Variants in DOK6 observed in about 807,000 individuals in gnomAD.
The protein encoded by DOK6 is downstream of tyrosine kinase 6.
In DOK6, 22 loss-of-function variants were observed where a neutral mutation model predicts 44.0. The observed-to-expected ratio is 0.50, with a 90% CI of 0.36 to 0.71. The LOEUF (loss-of-function observed/expected upper bound fraction) is 0.71. DOK6 is among the 30% of genes least tolerant of loss of function. The pLI is 0.00. For synonymous variants in DOK6, 166 were observed against 145.5 expected (o/e 1.14, Z -1.01); for missense variants, 340 against 416.4 (o/e 0.82, Z 1.60).
intron 1 of DOK6, among the ~76,000 whole-genome samples, chr18:69,498,136 TAGG>T (rs1440261186): frequency 2.6e-5 from 4 of 152,274 alleles, no homozygotes; most frequent in African/African-American, 7.2e-5. Context: ...ACTATGTGCA[TAGG>T]AGATCAGAAT....
In DOK6 at chr18:69,829,204, T is replaced by G. The variant is rs1183181215; in HGVS notation, c.857-12040T>G. On this transcript the variant is annotated intron_variant, in intron 7 of 7. Transcript: ENST00000382713. Reference sequence around the variant, plus strand: ...AAGGAAATAATTAACAGGAAATTATTTTAATAATTCTAAATATTTCTTGGA... The same window carrying G: ...AAGGAAATAATTAACAGGAAATTATGTTAATAATTCTAAATATTTCTTGGA... 4.0e-5 allele frequency among the ~76,000 whole-genome samples: 6 copies of G among 151,484 alleles called. No individual in the cohort carries two copies. The East Asian group carries it at 1.2e-3, about 29-fold the overall frequency.
At chr18:69,660,618 G>A (rs1985497085) in intron 3 of DOK6, 1 of 151,716 alleles carries the variant, frequency 6.6e-6, no homozygotes, top group South Asian at 2.1e-4. Flanking sequence ...ACCTCAAGGA[G>A]CAATGCATTC....
chr18:69,738,110 G>A (rs553485615), intron 5 of DOK6, among the ~76,000 whole-genome samples: 1 of 152,150 alleles, frequency 6.6e-6, no homozygotes, highest in Non-Finnish European at 1.5e-5. Context: ...CACAGTTGCA[G>A]CCTCTGTAAT....
intron 2 of DOK6, among the ~76,000 whole-genome samples, chr18:69,570,907 CA>C (rs1223994374): frequency 6.6e-6 from 1 of 151,984 alleles, no homozygotes; most frequent in Non-Finnish European, 1.5e-5. Flanking sequence ...ATCTATACTC[CA>C]AAAGTGTTGA....
intron 6 of DOK6, among the ~76,000 whole-genome samples, chr18:69,740,454 T>C (rs1017052382): frequency 6.6e-6 from 1 of 152,248 alleles, no homozygotes; most frequent in African/African-American, 2.4e-5. Flanking sequence ...ATGATGTCAC[T>C]TGCTATTAGT....
chr18:69,661,690 G>A (rs992724473), intron 3 of DOK6: 6 of 152,156 alleles, frequency 3.9e-5, no homozygotes, highest in African/African-American at 9.6e-5. Flanking sequence ...GGTCAATTTT[G>A]TTCTTTCCAC....
At chr18:69,744,471 T>C (rs1978913675) in intron 6 of DOK6, among the ~76,000 whole-genome samples, 2 of 152,092 alleles carry the variant, frequency 1.3e-5, no homozygotes, top group East Asian at 1.9e-4. Context: ...TTTTTACTGA[T>C]AGTCATGGAT....
At position 69,698,477 on chromosome 18, in the gene DOK6, T is replaced by G. The variant is rs1986441473; in HGVS notation, c.483T>G (p.His161Gln). ...IYGECTMQIT[H>Q]ENIYLWDIHN... ...GTGAATGCACAATGCAGATCACTCA[T>G]GAAAATATCTATCTCTGGGATATCC... The change falls in exon 5 of 8, where the codon CAT becomes CAG. Residue 161 changes from histidine to glutamine, a missense_variant. Coordinates refer to ENST00000382713, the MANE Select transcript of DOK6 (RefSeq NM_152721.6). 6.2e-7 allele frequency: 1 copy of G among 1,614,016 alleles called. No individual in the cohort carries two copies. Among genetic ancestry groups the G allele is most frequent in the African/African-American group, 1.3e-5 (1 of 74,922 alleles).
chr18:69,629,586 C>G (rs140242062), intron 3 of DOK6, among the ~76,000 whole-genome samples: 1 of 152,118 alleles, frequency 6.6e-6, no homozygotes, highest in Admixed American at 6.5e-5. Context: ...AGACTTGGCA[C>G]TGAGGAACTA....
intron 2 of DOK6, among the ~76,000 whole-genome samples, chr18:69,572,622 C>T (rs964925713): frequency 2.0e-5 from 3 of 151,782 alleles, no homozygotes; most frequent in African/African-American, 7.3e-5. Flanking sequence ...AATTAGCAAT[C>T]CAACGTTTGG....
At chr18:69,642,232 G>A (rs1338587953) in intron 3 of DOK6, among the ~76,000 whole-genome samples, 1 of 152,098 alleles carries the variant, frequency 6.6e-6, no homozygotes, top group East Asian at 1.9e-4. Context: ...TTACATAAAT[G>A]CAATACCATG....
chr18:69,642,701 C>T (rs868364943), intron 3 of DOK6, among the ~76,000 whole-genome samples: 18 of 152,116 alleles, frequency 1.2e-4, no homozygotes, highest in Non-Finnish European at 4.4e-5. Context: ...TCAAGTTAAA[C>T]ATCTTTCCAA....
At chr18:69,776,476 A>G (rs1980070040) in intron 7 of DOK6, among the ~76,000 whole-genome samples, 1 of 152,100 alleles carries the variant, frequency 6.6e-6, no homozygotes, top group Non-Finnish European at 1.5e-5. Context: ...AAAACACTAC[A>G]TCAAAATTTA....
chr18:69,622,709 C>T (rs1309734713), intron 3 of DOK6, among the ~76,000 whole-genome samples: 11 of 152,042 alleles, frequency 7.2e-5, no homozygotes, highest in Non-Finnish European at 8.8e-5. Flanking sequence ...CAGAATGACA[C>T]AAAGAAAATT....
intron 5 of DOK6, among the ~76,000 whole-genome samples, chr18:69,737,381 G>T (rs545901526): frequency 2.6e-5 from 4 of 152,106 alleles, no homozygotes; most frequent in African/African-American, 4.8e-5. Flanking sequence ...GCGAGAACTC[G>T]TTCAATATCA....
chr18:69,552,793 C>A (rs2144589675), intron 1 of DOK6, among the ~76,000 whole-genome samples: 2 of 152,304 alleles, frequency 1.3e-5, no homozygotes, highest in East Asian at 1.9e-4. Context: ...GTGTACCTGG[C>A]AAATAGCAAA....
chr18:69,728,385 A>G (rs1167486449), intron 5 of DOK6, among the ~76,000 whole-genome samples: 1 of 152,168 alleles, frequency 6.6e-6, no homozygotes, highest in Non-Finnish European at 1.5e-5. Context: ...ATCATGTTCT[A>G]ATCTCCCTCT....
In DOK6 at chr18:69,401,179, C is replaced by A; in HGVS notation, c.-66C>A. The A allele has an allele frequency of 6.8e-7, 1 of 1,474,108 alleles. No individual in the cohort carries two copies. Among genetic ancestry groups the A allele is most frequent in the Non-Finnish European group, 9.0e-7 (1 of 1,107,594 alleles). 91.3% of individuals were successfully genotyped at this position (1,474,108 alleles called of 1,614,324 possible). A position where few individuals can be genotyped will look rare whatever the true frequency, so the allele number is the denominator to read the frequency against. Reference sequence around the variant, plus strand: ...GGATGCGAGACCCGCGCAGACCCGGCGGCGGACGGCGGCTCTCGACTCCGG... The same window carrying A: ...GGATGCGAGACCCGCGCAGACCCGGAGGCGGACGGCGGCTCTCGACTCCGG... On this transcript the variant is annotated 5_prime_UTR_variant, in exon 1 of 8. Coordinates refer to ENST00000382713, the MANE Select transcript of DOK6 (RefSeq NM_152721.6).
chr18:69,499,961 A>G (rs1262227910), intron 1 of DOK6, among the ~76,000 whole-genome samples: 1 of 152,162 alleles, frequency 6.6e-6, no homozygotes, highest in Non-Finnish European at 1.5e-5. Flanking sequence ...TGCCCAAGCC[A>G]CTATTGGACT....
Sources: allele counts gnomAD v4.1 joint callset (sites outside exome capture counted in the v4.1 genomes callset), GRCh38; gene constraint gnomAD v4.1.1; transcripts MANE v1.5; gene names NCBI Gene and HGNC (gene_info 2026-07-23, HGNC 2026-07-21).